The following NRXN1 variants were observed in gnomAD, a reference collection of about 807,000 sequenced individuals.
NRXN1 encodes neurexin-1.
A neutral mutation model predicts 150.9 loss-of-function variants in NRXN1; 39 were observed. That is an observed-to-expected ratio of 0.26 (90% confidence interval 0.20 to 0.34). The LOEUF is 0.34. Among genes scored for constraint, NRXN1 ranks in the 10% least tolerant of loss-of-function variants. NRXN1 has a pLI of 1.00. For synonymous variants in NRXN1, 924 were observed against 757.0 expected (o/e 1.22, Z -3.62); for missense variants, 1,815 against 1,949.9 (o/e 0.93, Z 1.30).
In NRXN1 at chr2:50,128,346, G is replaced by A. The variant is rs191286487; in HGVS notation, c.3547-36852C>T. Reference sequence around the variant, plus strand: ...TTTTCTTGAGTCCATAGTATTATATGCTCCGATGCTTTAGCCAATTAAGTT... The same window carrying A: ...TTTTCTTGAGTCCATAGTATTATATACTCCGATGCTTTAGCCAATTAAGTT... On this transcript the variant is annotated intron_variant, in intron 18 of 22. Coordinates refer to ENST00000401669, the MANE Select transcript of NRXN1 (RefSeq NM_001330078.2). 5.3e-5 allele frequency among the ~76,000 whole-genome samples: 8 copies of A among 152,290 alleles called. No homozygotes were observed. The East Asian group carries it at 1.5e-3, about 29-fold the overall frequency.
intron 18 of NRXN1, among the ~76,000 whole-genome samples, chr2:50,216,549 T>C (rs2063414443): frequency 6.6e-6 from 1 of 152,178 alleles, no homozygotes; most frequent in Middle Eastern, 3.4e-3. Context: ...CTACAAGATC[T>C]ACATTTTTCA....
At chr2:50,867,410 G>C (rs543079933) in intron 5 of NRXN1, among the ~76,000 whole-genome samples, 14 of 151,858 alleles carry the variant, frequency 9.2e-5, no homozygotes, top group Non-Finnish European at 2.1e-4. Context: ...AAATGGTTGA[G>C]AGGGGACAGA....
intron 19 of NRXN1, among the ~76,000 whole-genome samples, chr2:50,089,497 A>T (rs1263006054): frequency 2.0e-5 from 3 of 152,174 alleles, no homozygotes. Context: ...TTAAAAGCAC[A>T]TTTTTTAGGC....
rs142654653 is a variant in NRXN1 at position 50,505,347 on chromosome 2, T to G, written c.2497+1148A>C. Among the ~76,000 whole-genome samples, 598 of 152,332 alleles carry G rather than the reference T, an allele frequency of 3.9e-3. 5 individuals carry two copies. The highest frequency in any genetic ancestry group is 0.014 in the African/African-American group (570 of 41,582). On this transcript the variant is annotated intron_variant, in intron 13 of 22. Transcript: ENST00000401669. ...CTCATCTACAAAATGGGAATATGTG[T>G]GTCCTATCTACTTCATAGGACTCTA...
intron 5 of NRXN1, among the ~76,000 whole-genome samples, chr2:50,815,466 T>A (rs1346637789): frequency 6.6e-6 from 1 of 152,166 alleles, no homozygotes; most frequent in Admixed American, 6.6e-5. Context: ...TTTCAAGCAT[T>A]GGGTCATTTC....
At chr2:50,145,361 C>T (rs1707851322) in intron 18 of NRXN1, among the ~76,000 whole-genome samples, 1 of 151,556 alleles carries the variant, frequency 6.6e-6, no homozygotes, top group Non-Finnish European at 1.5e-5. Context: ...TTACATACAT[C>T]ATGGCGCTTT....
Position 51,028,503 on chromosome 2 carries a change from G to A in NRXN1, c.-230C>T. On this transcript the variant is annotated 5_prime_UTR_variant, in exon 2 of 23. Transcript: ENST00000401669. ...CAACTGGAAAACGTTGACCCCAGTG[G>A]TACAGGGTAGCCACAGAACTTCCAG... 1 of 412,458 alleles carries A rather than the reference G, an allele frequency of 2.4e-6. No individual in the cohort carries two copies. The highest frequency in any genetic ancestry group is 4.3e-6 in the Non-Finnish European group (1 of 233,498). The allele number at this position is 412,458 out of a possible 1,614,324, so 25.5% of individuals were successfully genotyped here. A position where few individuals can be genotyped will look rare whatever the true frequency, so the allele number is the denominator to read the frequency against.
At chr2:50,307,818 G>A (rs1395892742) in intron 17 of NRXN1, among the ~76,000 whole-genome samples, 2 of 151,940 alleles carry the variant, frequency 1.3e-5, no homozygotes, top group Admixed American at 6.6e-5. Flanking sequence ...CCAAAGCTCT[G>A]GAATAGTTGT....
intron 18 of NRXN1, among the ~76,000 whole-genome samples, chr2:50,142,777 T>C (rs1159840468): frequency 1.3e-5 from 2 of 151,770 alleles, no homozygotes; most frequent in Admixed American, 1.3e-4. Context: ...TGGAAATAAT[T>C]AAAAATCAAG....
chr2:50,496,651 A>G (rs1336503551), intron 14 of NRXN1, among the ~76,000 whole-genome samples: 2 of 152,134 alleles, frequency 1.3e-5, no homozygotes, highest in Non-Finnish European at 2.9e-5. Context: ...GTGTTCATCT[A>G]CAAACCCTAG....
intron 2 of NRXN1, chr2:50,979,271 A>C (rs1159041794): frequency 9.6e-6 from 5 of 518,164 alleles, no homozygotes; most frequent in African/African-American, 1.9e-5. Context: ...CAATATTTAC[A>C]TCAGCTGGAA....
chr2:50,930,281 A>T (rs1381793775), intron 2 of NRXN1, among the ~76,000 whole-genome samples: 1 of 152,106 alleles, frequency 6.6e-6, no homozygotes, highest in Non-Finnish European at 1.5e-5. Flanking sequence ...ATCACACTAG[A>T]AACACTTAAA....
intron 5 of NRXN1, among the ~76,000 whole-genome samples, chr2:50,685,646 C>T (rs1691117657): frequency 6.6e-6 from 1 of 152,122 alleles, no homozygotes; most frequent in Non-Finnish European, 1.5e-5. Flanking sequence ...CAAATAACTT[C>T]AGCAGTCTCT....
intron 5 of NRXN1, among the ~76,000 whole-genome samples, chr2:50,914,300 T>C (rs918342716): frequency 6.6e-6 from 1 of 151,644 alleles, no homozygotes; most frequent in African/African-American, 2.4e-5. Flanking sequence ...TATATTTATT[T>C]TAGTGAAAGA....
chr2:50,647,670 G>C (rs534226858), intron 5 of NRXN1, among the ~76,000 whole-genome samples: 1 of 151,926 alleles, frequency 6.6e-6, no homozygotes, highest in African/African-American at 2.4e-5. Flanking sequence ...TAGGAAGAAA[G>C]TCAGGGACAA....
chr2:50,252,057 G>A (rs1029544270), intron 17 of NRXN1, among the ~76,000 whole-genome samples: 1 of 151,556 alleles, frequency 6.6e-6, no homozygotes, highest in Non-Finnish European at 1.5e-5. Context: ...ATTTGTCAAT[G>A]TTTGCTATTG....
intron 8 of NRXN1, among the ~76,000 whole-genome samples, chr2:50,589,980 A>C (rs974834154): frequency 7.1e-4 from 108 of 152,214 alleles, no homozygotes; most frequent in Admixed American, 1.7e-3. Context: ...CAGATTTTTC[A>C]TAAGTATCTG....
chr2:50,025,625 C>T (rs1688166505), intron 21 of NRXN1, among the ~76,000 whole-genome samples: 1 of 152,102 alleles, frequency 6.6e-6, no homozygotes. Flanking sequence ...TTTGAAAATG[C>T]TTTGGGGTAT....
intron 17 of NRXN1, among the ~76,000 whole-genome samples, chr2:50,244,430 C>A (rs1025855058): frequency 6.6e-6 from 1 of 151,800 alleles, no homozygotes; most frequent in African/African-American, 2.4e-5. Flanking sequence ...AATCAATGAT[C>A]AATGATTGAT....
Sources: allele counts gnomAD v4.1 joint callset (sites outside exome capture counted in the v4.1 genomes callset), GRCh38; gene constraint gnomAD v4.1.1; transcripts MANE v1.5; gene names NCBI Gene and HGNC (gene_info 2026-07-23, HGNC 2026-07-21).